TC2N: variants seen among roughly 807,000 people sequenced by gnomAD.
TC2N encodes tandem C2 domains, nuclear.
Under a neutral mutation model 61.9 loss-of-function variants are expected in TC2N, and 51 were observed. The ratio of observed to expected loss-of-function variants is 0.82; its 90% CI spans 0.66 to 1.04. The LOEUF (loss-of-function observed/expected upper bound fraction) is 1.04. TC2N is among the 50% of genes least tolerant of loss of function. The pLI, the probability that TC2N is intolerant of heterozygous loss-of-function variation, is 0.00. For synonymous variants in TC2N, 204 were observed against 192.6 expected (o/e 1.06, Z -0.49); for missense variants, 556 against 566.7 (o/e 0.98, Z 0.19).
intron 6 of TC2N, 113 bp downstream of exon 6, chr14:91,798,876 C>T: frequency 1.5e-6 from 1 of 649,988 alleles, no homozygotes; most frequent in Non-Finnish European, 2.6e-6. Context: ...TTTATTATAT[C>T]AACATAGTAG....
intron 2 of TC2N, 63 bp from the exon 3 acceptor site, chr14:91,812,608 C>A: frequency 1.3e-6 from 1 of 780,744 alleles, no homozygotes; most frequent in Non-Finnish European, 2.1e-6. Flanking sequence ...TAATCTAAAC[C>A]TAGCATACTT....
rs1885035613 is a variant in TC2N at position 91,780,353 on chromosome 14, T to G, written c.*2747A>C. ...TCAGAGAAATTCATGTAACTATATT[T>G]AAACAGAACTTCAGTTTAGGGTCTT... On this transcript the variant is annotated 3_prime_UTR_variant, in exon 12 of 12. Transcript: ENST00000435962. The G allele has an allele frequency of 6.6e-6, 1 of 152,230 alleles. No individual in the cohort carries two copies. The highest frequency in any genetic ancestry group is 2.4e-5 in the African/African-American group (1 of 41,460). The allele number at this position is 152,230 out of a possible 1,614,324, so 9.4% of individuals were successfully genotyped here.
intron 1 of TC2N, among the ~76,000 whole-genome samples, chr14:91,824,295 C>T (rs546732363): frequency 6.6e-6 from 1 of 152,190 alleles, no homozygotes; most frequent in African/African-American, 2.4e-5. Context: ...TGCTCATGCA[C>T]GACAAGTTGT....
intron 1 of TC2N, among the ~76,000 whole-genome samples, chr14:91,862,260 A>G (rs1436105641): frequency 6.6e-6 from 1 of 151,084 alleles, no homozygotes; most frequent in Non-Finnish European, 1.5e-5. Flanking sequence ...GGATCGCTTA[A>G]GCCCAGGAGA....
At chr14:91,832,390 C>CAAAA (rs33961348) in intron 1 of TC2N, among the ~76,000 whole-genome samples, 24 of 136,366 alleles carry the variant, frequency 1.8e-4, no homozygotes, top group African/African-American at 4.4e-4. Flanking sequence ...AACTCCGTCT[C>CAAAA]AAAAAAAAAA....
In TC2N at chr14:91,783,861, T is replaced by A. The variant is rs1334862754; in HGVS notation, c.1363-651A>T. On this transcript the variant is annotated intron_variant, in intron 11 of 11. Coordinates refer to ENST00000435962, the MANE Select transcript of TC2N (RefSeq NM_001128596.3). ...TCTAGCACTAACAAATGCTTTTACC[T>A]TGAAGTTAACTTCTCTGAGATTCAG... Among the ~76,000 whole-genome samples the A allele has an allele frequency of 2.6e-5, 4 of 152,162 alleles. No individual in the cohort carries two copies. In the East Asian group the frequency reaches 7.7e-4, roughly 29 times the overall value.
In TC2N at chr14:91,783,028, T is replaced by A. The variant is rs563529982; in HGVS notation, c.*72A>T. 1 of 973,732 alleles carries A rather than the reference T, an allele frequency of 1.0e-6. No individual in the cohort carries two copies. The highest frequency in any genetic ancestry group is 1.6e-6 in the Non-Finnish European group (1 of 619,536). 60.3% of individuals were successfully genotyped at this position (973,732 alleles called of 1,614,324 possible). The stretch of plus-strand genomic sequence containing the variant: ...AAATTTGTTGATTTGCCTCTTCTCA[T>A]TGGTAGCAAATTGAAATCATAAGTC... On this transcript the variant is annotated 3_prime_UTR_variant, in exon 12 of 12. Transcript: ENST00000435962.
chr14:91,787,132 GAT>G (rs1247208017), intron 10 of TC2N, among the ~76,000 whole-genome samples: 5 of 152,040 alleles, frequency 3.3e-5, no homozygotes, highest in Non-Finnish European at 7.4e-5. Context: ...GTTTGTTTTT[GAT>G]ATATATATTT....
intron 1 of TC2N, among the ~76,000 whole-genome samples, chr14:91,865,016 G>A (rs1369490052): frequency 6.6e-6 from 1 of 151,998 alleles, no homozygotes; most frequent in Non-Finnish European, 1.5e-5. Context: ...CTGGCCTCAA[G>A]TGATCTGCCC....
At position 91,809,775 on chromosome 14, in the gene TC2N, A is replaced by G. The variant is rs141400301; in HGVS notation, c.301+2537T>C. 1.8e-4 allele frequency among the ~76,000 whole-genome samples: 27 copies of G among 152,310 alleles called. No individual in the cohort carries two copies. The East Asian group carries it at 5.2e-3, about 29-fold the overall frequency. On this transcript the variant is annotated intron_variant, in intron 3 of 11. Coordinates refer to ENST00000435962, the MANE Select transcript of TC2N (RefSeq NM_001128596.3). ...GTAAGGTGGGAATCCTGGAAAGGAGAGATTCCCAAATTCTGTAAATAAAGC... is the reference window on the plus strand; with the variant it reads ...GTAAGGTGGGAATCCTGGAAAGGAGGGATTCCCAAATTCTGTAAATAAAGC...
intron 3 of TC2N, among the ~76,000 whole-genome samples, chr14:91,804,427 T>C (rs996378341): frequency 6.6e-6 from 1 of 152,094 alleles, no homozygotes; most frequent in African/African-American, 2.4e-5. Flanking sequence ...AGCCAAAAAA[T>C]TGGAAAACTC....
chr14:91,830,670 C>T (rs995309917), intron 1 of TC2N, among the ~76,000 whole-genome samples: 11 of 151,650 alleles, frequency 7.3e-5, no homozygotes, highest in Non-Finnish European at 1.6e-4. Context: ...AAAAACCCCA[C>T]TGAATTGTAC....
intron 4 of TC2N, among the ~76,000 whole-genome samples, chr14:91,801,117 T>C (rs1886229362): frequency 2.0e-5 from 3 of 151,782 alleles, no homozygotes; most frequent in African/African-American, 7.3e-5. Flanking sequence ...CTGAGAATTT[T>C]GTGAATCACA....
intron 9 of TC2N, among the ~76,000 whole-genome samples, chr14:91,788,984 G>A (rs890803984): frequency 1.3e-5 from 2 of 151,370 alleles, no homozygotes; most frequent in African/African-American, 4.9e-5. Context: ...TTTGCTGATT[G>A]AAAAAAAATT....
intron 1 of TC2N, among the ~76,000 whole-genome samples, chr14:91,852,890 T>C (rs570107881): frequency 6.6e-6 from 1 of 151,916 alleles, no homozygotes; most frequent in East Asian, 1.9e-4. Flanking sequence ...GCTAACACGG[T>C]GAAACCCCGT....
chr14:91,856,217 C>T (rs1345776682), intron 1 of TC2N, among the ~76,000 whole-genome samples: 2 of 152,138 alleles, frequency 1.3e-5, no homozygotes. Context: ...GGCCAGGCGT[C>T]CTGGCTCACA....
chr14:91,857,096 C>T (rs147975393), intron 1 of TC2N, among the ~76,000 whole-genome samples: 2,731 of 152,298 alleles, frequency 0.018, 81 homozygotes, highest in African/African-American at 0.061. Flanking sequence ...CTAGTCAATG[C>T]CCCACTCCAA....
rs755819431 is a variant in TC2N at position 91,813,763 on chromosome 14, T to C, written c.7A>G (p.Thr3Ala). 3 of 1,608,056 alleles carry C rather than the reference T, an allele frequency of 1.9e-6. No individual in the cohort carries two copies. Among genetic ancestry groups the C allele is most frequent in the African/African-American group, 1.3e-5 (1 of 74,860 alleles). Residue 3 changes from threonine (T) to alanine (A), a missense_variant, in exon 2 of 12, where the codon ACA (threonine) becomes GCA (alanine). Physicochemically the swap from Thr to Ala is moderately conservative, Grantham distance 58. Transcript: ENST00000435962. ...CCACAGCAACTCTTTATAAATTCTG[T>C]TGCCATTACATTCAATTTCCAATAT... MA[T>A]EFIKSCCGGC... is the part of the protein sequence containing the mutation.
intron 1 of TC2N, among the ~76,000 whole-genome samples, chr14:91,855,742 G>A (rs1297786627): frequency 5.3e-5 from 8 of 152,232 alleles, no homozygotes; most frequent in African/African-American, 1.4e-4. Context: ...AGAATCTCAT[G>A]TCAGGGCCAA....
Sources: allele counts gnomAD v4.1 joint callset (sites outside exome capture counted in the v4.1 genomes callset), GRCh38; gene constraint gnomAD v4.1.1; transcripts MANE v1.5; gene names NCBI Gene and HGNC (gene_info 2026-07-23, HGNC 2026-07-21).